The following PRKAA2 variants were observed in gnomAD, a reference collection of about 807,000 sequenced individuals.
PRKAA2 encodes the protein protein kinase AMP-activated catalytic subunit alpha 2.
In PRKAA2, 40 loss-of-function variants were observed where a neutral mutation model predicts 56.3. The observed-to-expected ratio is 0.71, with a 90% confidence interval of 0.55 to 0.92. The LOEUF (loss-of-function observed/expected upper bound fraction) is 0.92, where lower values mean the gene tolerates loss of function less well. Among genes scored for constraint, PRKAA2 ranks in the 40% least tolerant of loss-of-function variants. PRKAA2 has a pLI of 0.00. For synonymous variants in PRKAA2, 214 were observed against 234.2 expected (o/e 0.91, Z 0.79); for missense variants, 542 against 686.9 (o/e 0.79, Z 2.36).
intron 6 of PRKAA2, among the ~76,000 whole-genome samples, chr1:56,703,745 T>A (rs12048572): frequency 6.6e-6 from 1 of 151,654 alleles, no homozygotes; most frequent in African/African-American, 2.4e-5. Context: ...ATGGGCTTGC[T>A]TTTTTCATTT....
Position 56,704,534 on chromosome 1 carries a change from T to A in PRKAA2, c.1293+59T>A, listed in dbSNP as rs1321834851. On this transcript the variant is annotated intron_variant, in intron 7 of 8. Transcript: ENST00000371244. ...GAAGCCATTTTTCTATATTATAAGCTGCTCTGAGCTCCTGAGTTGAGTATT... is the reference window on the plus strand; with the variant it reads ...GAAGCCATTTTTCTATATTATAAGCAGCTCTGAGCTCCTGAGTTGAGTATT... The A allele has an allele frequency of 3.3e-6, 5 of 1,512,782 alleles. No homozygotes were observed. The Admixed American group carries it at 1.1e-4, about 33-fold the overall frequency. 93.7% of individuals were successfully genotyped at this position (1,512,782 alleles called of 1,614,324 possible).
At chr1:56,702,618 C>A (rs1170937693) in intron 6 of PRKAA2, among the ~76,000 whole-genome samples, 2 of 152,148 alleles carry the variant, frequency 1.3e-5, no homozygotes, top group East Asian at 3.9e-4. Flanking sequence ...ATTCCAGTTC[C>A]TAGAGCACAG....
chr1:56,646,108 C>T (rs1204594577), intron 1 of PRKAA2, among the ~76,000 whole-genome samples: 1 of 152,028 alleles, frequency 6.6e-6, no homozygotes, highest in African/African-American at 2.4e-5. Flanking sequence ...GCTGGGAGGT[C>T]CCTGCCATCC....
At chr1:56,655,280 A>ATATATATATATATATT in intron 1 of PRKAA2, among the ~76,000 whole-genome samples, 39 of 93,644 alleles carry the variant, frequency 4.2e-4, no homozygotes, top group African/African-American at 1.6e-3. Flanking sequence ...ATATATATAT[A>ATATATATATATATATT]TTTTTTTTTT....
rs146136590 is a variant in PRKAA2, at chr1:56,707,406, A to T, written c.1421-69A>T. 1.1e-4 allele frequency: 137 copies of T among 1,292,680 alleles called. No individual in the cohort carries two copies. In the East Asian group the frequency reaches 3.2e-3, roughly 30 times the overall value. 80.1% of individuals were successfully genotyped at this position (1,292,680 alleles called of 1,614,324 possible). A position where few individuals can be genotyped will look rare whatever the true frequency, so the allele number is the denominator to read the frequency against. ...GTGTTTACTTAATATTCTGAATATC[A>T]TAAATTCATAGGAAGGGCTTGGGCA... On this transcript the variant is annotated intron_variant, in intron 8 of 8. Transcript: ENST00000371244.
chr1:56,646,133 G>A (rs1448864187), intron 1 of PRKAA2, among the ~76,000 whole-genome samples: 2 of 152,088 alleles, frequency 1.3e-5, no homozygotes, highest in African/African-American at 4.8e-5. Context: ...ATTCCTTCAC[G>A]TTCCAGGACT....
intron 1 of PRKAA2, among the ~76,000 whole-genome samples, chr1:56,666,503 CAT>C (rs918655764): frequency 1.4e-4 from 21 of 152,194 alleles, no homozygotes; most frequent in African/African-American, 4.6e-4. Flanking sequence ...GAGACATAGA[CAT>C]GTGATGCATT....
At position 56,712,505 on chromosome 1, in the gene PRKAA2, A is replaced by G. The variant is rs1364238056; in HGVS notation, c.*4792A>G. ...TTAAAAATGCTGAAGAAACTTTAAA[A>G]CATGATTCTTCTTATAATTTTATGT... is the stretch of plus-strand genomic sequence containing the variant. On this transcript the variant is annotated 3_prime_UTR_variant, in exon 9 of 9. Coordinates refer to ENST00000371244, the MANE Select transcript of PRKAA2 (RefSeq NM_006252.4). 6.6e-6 allele frequency: 1 copy of G among 152,182 alleles called. No homozygotes were observed. Among genetic ancestry groups the G allele is most frequent in the Non-Finnish European group, 1.5e-5 (1 of 68,022 alleles). 9.4% of individuals were successfully genotyped at this position (152,182 alleles called of 1,614,324 possible).
At chr1:56,695,855 C>A in intron 5 of PRKAA2, 80 bp from the exon 6 acceptor site, 4 of 1,161,890 alleles carry the variant, frequency 3.4e-6, no homozygotes, top group Non-Finnish European at 5.1e-6. Context: ...TGAATGTAGA[C>A]TACCTATATA....
intron 2 of PRKAA2, among the ~76,000 whole-genome samples, chr1:56,690,164 CTTTTT>C (rs35151388): frequency 7.1e-6 from 1 of 141,246 alleles, no homozygotes. Context: ...ATCATCACAT[CTTTTT>C]TTTTTTTTTT....
At chr1:56,701,082 T>C (rs1644290436) in intron 6 of PRKAA2, among the ~76,000 whole-genome samples, 1 of 152,228 alleles carries the variant, frequency 6.6e-6, no homozygotes, top group Admixed American at 6.5e-5. Flanking sequence ...ATTTCCGGTG[T>C]TCTGAAAAAG....
At chr1:56,689,985 C>T (rs969359169) in intron 2 of PRKAA2, among the ~76,000 whole-genome samples, 2 of 151,758 alleles carry the variant, frequency 1.3e-5, no homozygotes, top group Admixed American at 6.6e-5. Flanking sequence ...AAAAGTAACG[C>T]GGTGAAACCC....
At chr1:56,706,711 CA>C (rs1644334483) in intron 8 of PRKAA2, among the ~76,000 whole-genome samples, 1 of 152,108 alleles carries the variant, frequency 6.6e-6, no homozygotes, top group Non-Finnish European at 1.5e-5. Context: ...TTGTCATGTC[CA>C]AGAACTTAGT....
rs185276741 is a variant in PRKAA2 at position 56,663,154 on chromosome 1, C to T, written c.95-11227C>T. Among the ~76,000 whole-genome samples, 8 of 152,236 alleles carry T rather than the reference C, an allele frequency of 5.3e-5. No individual in the cohort carries two copies. In the East Asian group the frequency reaches 5.8e-4, roughly 11 times the overall value. On this transcript the variant is annotated intron_variant, in intron 1 of 8. Coordinates refer to ENST00000371244, the MANE Select transcript of PRKAA2 (RefSeq NM_006252.4). Reference sequence around the variant, plus strand: ...TGTCACTGAGGCTGGAGGGCAGTGGCGCAATCATAGCTCACTGCAGCCTGG... The same window carrying T: ...TGTCACTGAGGCTGGAGGGCAGTGGTGCAATCATAGCTCACTGCAGCCTGG...
chr1:56,683,945 A>G (rs1300707456), intron 2 of PRKAA2, among the ~76,000 whole-genome samples: 3 of 152,156 alleles, frequency 2.0e-5, no homozygotes, highest in Non-Finnish European at 4.4e-5. Flanking sequence ...ACTTACATTT[A>G]GACTGTAGGT....
chr1:56,695,812 A>C (rs1644255238), intron 5 of PRKAA2, 123 bp from the exon 6 acceptor site: 11 of 835,430 alleles, frequency 1.3e-5, no homozygotes, highest in Admixed American at 9.1e-5. Flanking sequence ...GCAGCCATGG[A>C]CTTCATTAAA....
intron 1 of PRKAA2, among the ~76,000 whole-genome samples, chr1:56,664,835 T>C (rs1298726838): frequency 6.7e-6 from 1 of 148,266 alleles, no homozygotes; most frequent in Non-Finnish European, 1.5e-5. Flanking sequence ...TAGAAACACA[T>C]GTATGCATAA....
intron 1 of PRKAA2, among the ~76,000 whole-genome samples, chr1:56,661,850 A>G (rs1643996776): frequency 1.3e-5 from 2 of 151,836 alleles, no homozygotes; most frequent in South Asian, 4.2e-4. Context: ...TTGAATCCAT[A>G]CACAATACTG....
Position 56,655,280 on chromosome 1 carries a change from A to ATATATATATTTTTT in PRKAA2, c.94+9800_94+9801insATATATATTTTTTT. Among the ~76,000 whole-genome samples the ATATATATATTTTTT allele has an allele frequency of 1.5e-3, 137 of 93,644 alleles. 1 individual carries two copies. The highest frequency in any genetic ancestry group is 9.0e-3 in the South Asian group (17 of 1,892). The allele number at this position is 93,644 out of a possible 152,430, so 61.4% of individuals were successfully genotyped here. A position where few individuals can be genotyped will look rare whatever the true frequency, so the allele number is the denominator to read the frequency against. ...TGTATTTATATATCTATATATATAT[A>ATATATATATTTTTT]TTTTTTTTTTTTTTTTGTAGAGACA... On this transcript the variant is annotated intron_variant, in intron 1 of 8. Transcript: ENST00000371244.
Sources: gnomAD v4.1 joint callset for allele counts (sites outside exome capture counted in the v4.1 genomes callset) on GRCh38, gnomAD v4.1.1 for gene constraint, MANE v1.5 for transcripts, NCBI Gene and HGNC (gene_info 2026-07-23, HGNC 2026-07-21) for gene names.